Variants in MPZL1 observed in about 807,000 individuals in gnomAD.
MPZL1 encodes myelin protein zero like 1.
A neutral mutation model predicts 29.3 loss-of-function variants in MPZL1; 16 were observed. The observed-to-expected ratio is 0.55, with a 90% CI of 0.37 to 0.83. The LOEUF (loss-of-function observed/expected upper bound fraction) is 0.83, where lower values mean the gene tolerates loss of function less well. Ranked by LOEUF, MPZL1 falls within the 40% of genes least tolerant of loss-of-function variation. The pLI is 0.00. For synonymous variants in MPZL1, 143 were observed against 132.0 expected, an observed-to-expected ratio of 1.08 and a Z score of -0.57; for missense variants, 279 against 332.9, an observed-to-expected ratio of 0.84 and a Z score of 1.26.
At chr1:167,722,434 C>T (rs1462702366) in intron 1 of MPZL1, among the ~76,000 whole-genome samples, 192 bp downstream of exon 1, 1 of 152,220 alleles carries the variant, frequency 6.6e-6, no homozygotes, top group Non-Finnish European at 1.5e-5. Context: ...GCCGGGAAGG[C>T]GCAGAGCCTC....
intron 1 of MPZL1, 137 bp from the exon 2 acceptor site, chr1:167,765,446 C>T: frequency 3.3e-6 from 2 of 610,060 alleles, no homozygotes; most frequent in South Asian, 6.2e-5. Context: ...GTAGAATATT[C>T]TGCCAGAAAT....
rs888917358 is a variant in MPZL1 at position 167,791,299 on chromosome 1, A to G, written c.*3378A>G. ...ATACATGTTACGTGGATGGATGAGT[A>G]GGTGGAAGCATTCATCCATTCAGCA... is the stretch of plus-strand genomic sequence containing the variant. On this transcript the variant is annotated 3_prime_UTR_variant, in exon 6 of 6. Transcript: ENST00000359523. 1 of 152,242 alleles carries G rather than the reference A, an allele frequency of 6.6e-6. No homozygotes were observed. Among genetic ancestry groups the G allele is most frequent in the Non-Finnish European group, 1.5e-5 (1 of 68,058 alleles). The allele number at this position is 152,242 out of a possible 1,614,324, so 9.4% of individuals were successfully genotyped here. A position where few individuals can be genotyped will look rare whatever the true frequency, so the allele number is the denominator to read the frequency against.
intron 1 of MPZL1, among the ~76,000 whole-genome samples, chr1:167,763,200 G>T (rs1162118034): frequency 6.6e-6 from 1 of 152,132 alleles, no homozygotes; most frequent in Non-Finnish European, 1.5e-5. Context: ...AGGCCTCGAG[G>T]AAGGGATCTG....
At chr1:167,737,725 T>G (rs1259091884) in intron 1 of MPZL1, among the ~76,000 whole-genome samples, 6 of 152,296 alleles carry the variant, frequency 3.9e-5, no homozygotes, top group African/African-American at 1.4e-4. Context: ...ATTAGTTACA[T>G]TACCTCTTCA....
At chr1:167,781,138 G>T (rs1381231641) in intron 5 of MPZL1, among the ~76,000 whole-genome samples, 1 of 152,102 alleles carries the variant, frequency 6.6e-6, no homozygotes, top group Admixed American at 6.5e-5. Context: ...AGGAGAAATT[G>T]ACATATTCAC....
At chr1:167,748,441 G>A (rs1660691709) in intron 1 of MPZL1, among the ~76,000 whole-genome samples, 1 of 152,104 alleles carries the variant, frequency 6.6e-6, no homozygotes, top group African/African-American at 2.4e-5. Flanking sequence ...TATGTCTTTG[G>A]AGAAATGATA....
intron 1 of MPZL1, among the ~76,000 whole-genome samples, chr1:167,751,196 C>G (rs74120653): frequency 1.4e-3 from 208 of 152,256 alleles, no homozygotes; most frequent in African/African-American, 4.5e-3. Flanking sequence ...AACTAGGCAA[C>G]TATCATGTTT....
intron 1 of MPZL1, among the ~76,000 whole-genome samples, chr1:167,743,217 T>C (rs527565064): frequency 6.6e-6 from 1 of 152,038 alleles, no homozygotes; most frequent in East Asian, 1.9e-4. Flanking sequence ...ATTTTCACTT[T>C]TTTTTTTTCT....
At chr1:167,737,919 T>TGTG (rs1660409087) in intron 1 of MPZL1, among the ~76,000 whole-genome samples, 5 of 151,530 alleles carry the variant, frequency 3.3e-5, no homozygotes, top group African/African-American at 1.2e-4. Context: ...TTGTGTTTTT[T>TGTG]TGTTTGTTTG....
intron 2 of MPZL1, 64 bp from the exon 3 acceptor site, chr1:167,772,211 C>A: frequency 7.7e-7 from 1 of 1,306,654 alleles, no homozygotes. Flanking sequence ...ATAGCATGCA[C>A]ATTACAGAGT....
chr1:167,750,563 C>G lies in MPZL1; in HGVS notation c.92-15020C>G, dbSNP rs555949703. Among the ~76,000 whole-genome samples, 5 of 152,246 alleles carry G rather than the reference C, an allele frequency of 3.3e-5. No individual in the cohort carries two copies. In the South Asian group the frequency reaches 1.0e-3, roughly 32 times the overall value. ...TTGCTTAAATCTTTCTCTCCCCTTC[C>G]TCCCCCTCCCACCTTGTATATGTGT... On this transcript the variant is annotated intron_variant, in intron 1 of 5. Coordinates refer to ENST00000359523, the MANE Select transcript of MPZL1 (RefSeq NM_003953.6).
intron 1 of MPZL1, among the ~76,000 whole-genome samples, chr1:167,731,862 A>G (rs1363066478): frequency 6.6e-6 from 1 of 152,188 alleles, no homozygotes; most frequent in Non-Finnish European, 1.5e-5. Context: ...CTACAAAGTA[A>G]AAATAAACCA....
intron 1 of MPZL1, among the ~76,000 whole-genome samples, chr1:167,745,094 G>A (rs983932117): frequency 6.6e-6 from 1 of 152,088 alleles, no homozygotes; most frequent in African/African-American, 2.4e-5. Context: ...AAGGATACTG[G>A]CTCTCCTTTT....
intron 1 of MPZL1, among the ~76,000 whole-genome samples, chr1:167,731,492 A>G (rs1660270056): frequency 7.2e-6 from 1 of 139,150 alleles, no homozygotes; most frequent in South Asian, 2.5e-4. Context: ...GCTGGAGTGC[A>G]GTGGCGCGAT....
chr1:167,722,318 G>T (rs1474552797), intron 1 of MPZL1, 76 bp downstream of exon 1: 4 of 1,229,380 alleles, frequency 3.3e-6, no homozygotes, highest in South Asian at 4.1e-5. Flanking sequence ...CGCGGCGGTC[G>T]CAGGCCAGGC....
Position 167,721,983 on chromosome 1 carries a change from C to T in MPZL1, c.-169C>T. The stretch of plus-strand genomic sequence containing the variant: ...CCGGAGTGGGGCTGAGGCTTCGGTG[C>T]AGAGCTGGAGAGCCGCGGCTGGGAC... On this transcript the variant is annotated 5_prime_UTR_variant, in exon 1 of 6. Transcript: ENST00000359523. The T allele has an allele frequency of 9.9e-7, 1 of 1,010,194 alleles. No homozygotes were observed. The highest frequency in any genetic ancestry group is 1.3e-6 in the Non-Finnish European group (1 of 786,784). 62.6% of individuals were successfully genotyped at this position (1,010,194 alleles called of 1,614,324 possible).
At chr1:167,735,538 T>C (rs1660360155) in intron 1 of MPZL1, among the ~76,000 whole-genome samples, 1 of 152,106 alleles carries the variant, frequency 6.6e-6, no homozygotes, top group South Asian at 2.1e-4. Flanking sequence ...TAAATATAGA[T>C]AGATAACCTA....
intron 1 of MPZL1, among the ~76,000 whole-genome samples, chr1:167,733,408 G>T (rs766661562): frequency 6.6e-6 from 1 of 152,130 alleles, no homozygotes; most frequent in Non-Finnish European, 1.5e-5. Context: ...TAAAATGCTG[G>T]GACTCCCCTC....
rs142134800 is a variant in MPZL1 at position 167,759,885 on chromosome 1, A to G, written c.92-5698A>G. ...ATATTTGAGGGGGTCAGGGTAGGCA[A>G]TGAGGTCCGAGAGGTAGCCAGGAGT... On this transcript the variant is annotated intron_variant, in intron 1 of 5. Coordinates refer to ENST00000359523, the MANE Select transcript of MPZL1 (RefSeq NM_003953.6). Among the ~76,000 whole-genome samples the G allele has an allele frequency of 3.3e-5, 5 of 152,302 alleles. No individual in the cohort carries two copies. The East Asian group carries it at 9.7e-4, about 29-fold the overall frequency.
Sources: allele counts gnomAD v4.1 joint callset (sites outside exome capture counted in the v4.1 genomes callset), GRCh38; gene constraint gnomAD v4.1.1; transcripts MANE v1.5; gene names NCBI Gene and HGNC (gene_info 2026-07-23, HGNC 2026-07-21).